Variants in AXDND1 observed in about 807,000 individuals in gnomAD.
AXDND1 encodes axonemal dynein light chain domain containing 1.
A neutral mutation model predicts 137.5 loss-of-function variants in AXDND1; 110 were observed. That is an observed-to-expected ratio of 0.80 (90% CI 0.69 to 0.94). The LOEUF (loss-of-function observed/expected upper bound fraction) is 0.94. AXDND1 is among the 40% of genes least tolerant of loss of function. The pLI is 0.00. For missense variants in AXDND1, 1,191 were observed against 1,169.8 expected (o/e 1.02, Z -0.26); for synonymous variants, 414 against 399.7 (o/e 1.04, Z -0.43).
chr1:179,501,728 A>G (rs1668018858), intron 20 of AXDND1, among the ~76,000 whole-genome samples: 1 of 152,056 alleles, frequency 6.6e-6, no homozygotes, highest in Admixed American at 6.6e-5. Context: ...ACAAAACAAA[A>G]CAACAACAAA....
chr1:179,456,072 C>A, intron 16 of AXDND1: 2 of 468,122 alleles, frequency 4.3e-6, no homozygotes, highest in Admixed American at 2.5e-5. Flanking sequence ...AGTTTTTTGC[C>A]CATACTCATC....
At chr1:179,375,858 A>C (rs1236641730) in intron 4 of AXDND1, among the ~76,000 whole-genome samples, 3 of 152,322 alleles carry the variant, frequency 2.0e-5, no homozygotes, top group African/African-American at 7.2e-5. Flanking sequence ...AGAGAACCAG[A>C]ATATCACAGC....
At chr1:179,483,254 T>G in intron 18 of AXDND1, 33 bp downstream of exon 18, 3 of 1,490,104 alleles carry the variant, frequency 2.0e-6, no homozygotes, top group Non-Finnish European at 2.7e-6. Flanking sequence ...GACGTTATAT[T>G]TTGCCTCGGC....
At chr1:179,388,973 A>ATTTT (rs200417239) in intron 9 of AXDND1, among the ~76,000 whole-genome samples, 1 of 76,532 alleles carries the variant, frequency 1.3e-5, no homozygotes, top group Non-Finnish European at 2.6e-5. Context: ...TCATTTTTAG[A>ATTTT]TTCTTTTTTT....
At chr1:179,437,631 A>G (rs1658358483) in intron 15 of AXDND1, among the ~76,000 whole-genome samples, 1 of 151,996 alleles carries the variant, frequency 6.6e-6, no homozygotes, top group South Asian at 2.1e-4. Context: ...GGCAGCTCTC[A>G]TTTTCCAATT....
chr1:179,495,896 C>CTTTTTTT (rs34788199), intron 20 of AXDND1, among the ~76,000 whole-genome samples: 1 of 116,434 alleles, frequency 8.6e-6, no homozygotes. Context: ...GCTGAAAATT[C>CTTTTTTT]TTTTTTTTTT....
chr1:179,401,889 C>T (rs1359157066), intron 11 of AXDND1, among the ~76,000 whole-genome samples: 2 of 151,766 alleles, frequency 1.3e-5, no homozygotes, highest in Admixed American at 6.6e-5. Context: ...TATTCAGTCT[C>T]GGGGCCGGGC....
chr1:179,503,473 A>G (rs1261947506), intron 20 of AXDND1, among the ~76,000 whole-genome samples: 1 of 152,108 alleles, frequency 6.6e-6, no homozygotes, highest in East Asian at 1.9e-4. Context: ...TGGATGCACT[A>G]ATTTTTAGAA....
intron 16 of AXDND1, among the ~76,000 whole-genome samples, chr1:179,459,975 T>TTC (rs1662056649): frequency 7.8e-6 from 1 of 128,432 alleles, no homozygotes; most frequent in Non-Finnish European, 1.7e-5. Context: ...CTTTCTTTCT[T>TTC]TTTCTTTCTT....
At chr1:179,532,355 C>CT (rs1414703036) in intron 23 of AXDND1, among the ~76,000 whole-genome samples, 1 of 152,170 alleles carries the variant, frequency 6.6e-6, no homozygotes, top group African/African-American at 2.4e-5. Context: ...TTTCATAGGG[C>CT]TGTAAACCAT....
intron 12 of AXDND1, among the ~76,000 whole-genome samples, chr1:179,415,785 A>G (rs1275347233): frequency 1.3e-5 from 2 of 151,472 alleles, no homozygotes; most frequent in African/African-American, 4.9e-5. Flanking sequence ...GCTCGCTGCA[A>G]CCTCCACCTC....
At chr1:179,492,188 C>T (rs1227453015) in intron 19 of AXDND1, among the ~76,000 whole-genome samples, 3 of 152,122 alleles carry the variant, frequency 2.0e-5, no homozygotes, top group Non-Finnish European at 2.9e-5. Flanking sequence ...ATTCTTGTGC[C>T]TCAGCCTCCT....
chr1:179,367,649 A>T (rs911205120), intron 2 of AXDND1, among the ~76,000 whole-genome samples: 7 of 152,194 alleles, frequency 4.6e-5, no homozygotes, highest in Non-Finnish European at 1.0e-4. Flanking sequence ...AGGCAGGAGA[A>T]TCACTTGAAC....
At position 179,511,145 on chromosome 1, in the gene AXDND1, C is replaced by T. The variant is rs549604542; in HGVS notation, c.2496+1742C>T. 9.9e-5 allele frequency among the ~76,000 whole-genome samples: 15 copies of T among 151,484 alleles called. No homozygotes were observed. The South Asian group carries it at 2.5e-3, about 25-fold the overall frequency. On this transcript the variant is annotated intron_variant, in intron 21 of 25. Transcript: ENST00000367618. ...TCACGCCACTGCATTCCAGCCTGGGCGACAGAGTGAGACTCTGTCCCCCAC... is the reference window on the plus strand; with the variant it reads ...TCACGCCACTGCATTCCAGCCTGGGTGACAGAGTGAGACTCTGTCCCCCAC...
chr1:179,374,967 T>TA (rs1258098529), intron 4 of AXDND1, among the ~76,000 whole-genome samples: 1 of 151,064 alleles, frequency 6.6e-6, no homozygotes, highest in Non-Finnish European at 1.5e-5. Flanking sequence ...CCCTAGAACT[T>TA]AAAGTATAAT....
At chr1:179,474,242 T>G (rs1664335189) in intron 17 of AXDND1, among the ~76,000 whole-genome samples, 1 of 151,216 alleles carries the variant, frequency 6.6e-6, no homozygotes, top group Non-Finnish European at 1.5e-5. Context: ...ACTTACCTAG[T>G]CTTGGGTAGT....
At chr1:179,411,101 T>C in intron 11 of AXDND1, 45 bp from the exon 12 acceptor site, 1 of 1,429,398 alleles carries the variant, frequency 7.0e-7, no homozygotes, top group Non-Finnish European at 9.5e-7. Context: ...GTGTCTATAT[T>C]GTTAGTATAA....
chr1:179,409,872 TG>T (rs745442203), intron 11 of AXDND1, among the ~76,000 whole-genome samples: 5 of 152,064 alleles, frequency 3.3e-5, no homozygotes, highest in Non-Finnish European at 7.4e-5. Flanking sequence ...TTATCTCCAG[TG>T]TTTTTTTTTT....
intron 24 of AXDND1, chr1:179,534,526 C>A: frequency 4.1e-6 from 2 of 491,124 alleles, no homozygotes; most frequent in East Asian, 7.0e-5. Context: ...TCTTAAATAG[C>A]AGCATGATTT....
Sources: gnomAD v4.1 joint callset for allele counts (sites outside exome capture counted in the v4.1 genomes callset) on GRCh38, gnomAD v4.1.1 for gene constraint, MANE v1.5 for transcripts, NCBI Gene and HGNC (gene_info 2026-07-23, HGNC 2026-07-21) for gene names.